Variants in SRD5A3 observed in about 807,000 individuals in gnomAD.
SRD5A3 encodes steroid 5 alpha-reductase 3.
SRD5A3 carries 24 observed loss-of-function variants against 34.3 expected under a neutral mutation model. The ratio of observed to expected loss-of-function variants is 0.70; its 90% confidence interval spans 0.51 to 0.99. SRD5A3 has a LOEUF of 0.99. SRD5A3 is among the 50% of genes least tolerant of loss of function. The pLI is 0.00. For synonymous variants in SRD5A3, 161 were observed against 167.3 expected (o/e 0.96, Z 0.29); for missense variants, 350 against 388.2 (o/e 0.90, Z 0.83).
intron 1 of SRD5A3, among the ~76,000 whole-genome samples, chr4:55,354,040 C>T (rs987699925): frequency 6.6e-6 from 1 of 152,152 alleles, no homozygotes; most frequent in South Asian, 2.1e-4. Context: ...CATTAATTCC[C>T]CTTCTTAACC....
chr4:55,352,115 C>T (rs1230836583), intron 1 of SRD5A3: 3 of 791,844 alleles, frequency 3.8e-6, no homozygotes, highest in South Asian at 1.3e-5. Context: ...ACAAGGAATA[C>T]ACTTGGTATA....
Position 55,359,690 on chromosome 4 carries a change from G to T in SRD5A3, c.364+202G>T, listed in dbSNP as rs139640097. 5.6e-3 allele frequency among the ~76,000 whole-genome samples: 851 copies of T among 152,312 alleles called. 3 individuals carry two copies. Among genetic ancestry groups the T allele is most frequent in the Non-Finnish European group, 9.3e-3 (633 of 68,030 alleles). On this transcript the variant is annotated intron_variant, in intron 2 of 4. Coordinates refer to ENST00000264228, the MANE Select transcript of SRD5A3 (RefSeq NM_024592.5). ...ATGTCCCTAAGCCCTTCCCTGAGAA[G>T]GAGACAGAGCCAAGAGTTAGCGCTC...
chr4:55,348,780 A>G (rs1010202491), intron 1 of SRD5A3, among the ~76,000 whole-genome samples: 2 of 152,224 alleles, frequency 1.3e-5, no homozygotes, highest in Non-Finnish European at 2.9e-5. Flanking sequence ...CAGTGATGCT[A>G]GTACTAGCAA....
intron 3 of SRD5A3, among the ~76,000 whole-genome samples, chr4:55,365,051 A>G (rs1028056778): frequency 6.6e-6 from 1 of 152,182 alleles, no homozygotes; most frequent in Non-Finnish European, 1.5e-5. Flanking sequence ...AAAACAATGC[A>G]TGATTATAAA....
At chr4:55,352,082 T>C in intron 1 of SRD5A3, 1 of 776,618 alleles carries the variant, frequency 1.3e-6, no homozygotes, top group Non-Finnish European at 2.4e-6. Flanking sequence ...TTTCTCAATT[T>C]CAGGCATTAC....
At chr4:55,368,650 T>A (rs1258693719) in intron 4 of SRD5A3, among the ~76,000 whole-genome samples, 1 of 151,894 alleles carries the variant, frequency 6.6e-6, no homozygotes, top group East Asian at 2.0e-4. Context: ...GGTCTCGAAA[T>A]CCTGACCTCA....
intron 1 of SRD5A3, among the ~76,000 whole-genome samples, chr4:55,350,840 G>C (rs1719164111): frequency 6.9e-6 from 1 of 144,910 alleles, no homozygotes. Context: ...TCCGCTCACT[G>C]CAACTTCCAC....
intron 3 of SRD5A3, chr4:55,365,739 A>G (rs1427271515): frequency 3.9e-5 from 6 of 152,074 alleles, no homozygotes; most frequent in African/African-American, 1.4e-4. Flanking sequence ...TTTCTGTTTC[A>G]CCTCCTTGTC....
chr4:55,355,651 T>C (rs1435654003), intron 1 of SRD5A3, among the ~76,000 whole-genome samples: 1 of 152,102 alleles, frequency 6.6e-6, no homozygotes, highest in Non-Finnish European at 1.5e-5. Context: ...TGATATAAAT[T>C]GGTACGTGTA....
Position 55,370,002 on chromosome 4 carries a change from C to T in SRD5A3, c.868C>T (p.Leu290=), listed in dbSNP as rs1431257293. Residue 290 remains leucine (L), a synonymous_variant, in exon 5 of 5, where the codon CTG becomes TTG. Transcript: ENST00000264228. ...VVTNVFFNQA[L]SAFLSHQFYK... ...GACAAATGTCTTCTTTAATCAGGCCCTGTCTGCCTTTCTCAGCCACCAATT... is the reference window on the plus strand; with the variant it reads ...GACAAATGTCTTCTTTAATCAGGCCTTGTCTGCCTTTCTCAGCCACCAATT... 1 of 1,614,178 alleles carries T rather than the reference C, an allele frequency of 6.2e-7. No individual in the cohort carries two copies.
intron 2 of SRD5A3, among the ~76,000 whole-genome samples, chr4:55,363,081 A>G (rs994070175): frequency 2.0e-5 from 3 of 151,738 alleles, no homozygotes; most frequent in Admixed American, 2.0e-4. Context: ...TCCTGAGCTC[A>G]GGCAATCCAC....
Position 55,372,850 on chromosome 4 carries a change from C to T in SRD5A3, c.*2759C>T, listed in dbSNP as rs771384067. The T allele has an allele frequency of 3.3e-5, 5 of 151,508 alleles. No homozygotes were observed. Among genetic ancestry groups the T allele is most frequent in the African/African-American group, 4.9e-5 (2 of 41,190 alleles). The allele number at this position is 151,508 out of a possible 1,614,324, so 9.4% of individuals were successfully genotyped here. A position where few individuals can be genotyped will look rare whatever the true frequency, so the allele number is the denominator to read the frequency against. ...AGCTCATCCTATACACTAACATTTG[C>T]TTAACCATGGATTATTTTGTCTCTA... On this transcript the variant is annotated 3_prime_UTR_variant, in exon 5 of 5. Coordinates refer to ENST00000264228, the MANE Select transcript of SRD5A3 (RefSeq NM_024592.5).
At chr4:55,364,730 GA>G in intron 3 of SRD5A3, 1 of 192,614 alleles carries the variant, frequency 5.2e-6, no homozygotes, top group Non-Finnish European at 1.1e-5. Context: ...AAAAAGAAAA[GA>G]AAATGAGGGA....
At chr4:55,362,324 C>T (rs1719716069) in intron 2 of SRD5A3, among the ~76,000 whole-genome samples, 1 of 152,082 alleles carries the variant, frequency 6.6e-6, no homozygotes, top group Non-Finnish European at 1.5e-5. Flanking sequence ...GACAGGGTTT[C>T]ACTCTGTTGG....
At chr4:55,368,850 TGCCTCA>T (rs1287881892) in intron 4 of SRD5A3, among the ~76,000 whole-genome samples, 1 of 152,070 alleles carries the variant, frequency 6.6e-6, no homozygotes, top group East Asian at 1.9e-4. Context: ...GCAATTCTCA[TGCCTCA>T]GCCTCCCAAG....
chr4:55,356,625 C>A (rs575962040), intron 1 of SRD5A3, among the ~76,000 whole-genome samples: 1 of 152,198 alleles, frequency 6.6e-6, no homozygotes, highest in African/African-American at 2.4e-5. Context: ...TCACACCCAG[C>A]TAATTTTTTT....
rs3034886 is a variant in SRD5A3 at position 55,370,431 on chromosome 4, T to TCACACACACACACACACACA, written c.*363_*382dup. ...AAAAACCGAAAATATACAAACAGCT[T>TCACACACACACACACACACA]CACACACACACACACACACACACAC... On this transcript the variant is annotated 3_prime_UTR_variant, in exon 5 of 5. Transcript: ENST00000264228. 4.5e-6 allele frequency: 1 copy of TCACACACACACACACACACA among 221,488 alleles called. No individual in the cohort carries two copies. Among genetic ancestry groups the TCACACACACACACACACACA allele is most frequent in the African/African-American group, 2.5e-5 (1 of 40,342 alleles). 13.7% of individuals were successfully genotyped at this position (221,488 alleles called of 1,614,324 possible).
At position 55,369,901 on chromosome 4, in the gene SRD5A3, A is replaced by G. The variant is rs1466223004; in HGVS notation, c.767A>G (p.Tyr256Cys). Residue 256 changes from tyrosine (Y) to cysteine (C), a missense_variant, in exon 5 of 5, where the codon TAC (tyrosine) becomes TGC (cysteine). By Grantham distance (194) the Tyr-to-Cys change is radical. This residue lies in a region of SRD5A3 where 186 missense variants were observed against 221.4 expected (regional missense o/e 0.84). Coordinates refer to ENST00000264228, the MANE Select transcript of SRD5A3 (RefSeq NM_024592.5). ...TTTGAATATGTTTCTTCCCCTAACT[A>G]CTTAGCAGAGCTGATGATCTACGTT... ...DWFEYVSSPN[Y>C]LAELMIYVSM... is the part of the protein sequence containing the mutation. 1.2e-6 allele frequency: 2 copies of G among 1,614,108 alleles called. No individual in the cohort carries two copies. The highest frequency in any genetic ancestry group is 1.7e-6 in the Non-Finnish European group (2 of 1,180,012).
At chr4:55,351,644 C>T (rs891893645) in intron 1 of SRD5A3, among the ~76,000 whole-genome samples, 28 of 151,260 alleles carry the variant, frequency 1.9e-4, no homozygotes, top group Non-Finnish European at 3.1e-4. Context: ...GCAACAACAG[C>T]GAAACTTCAT....
Sources: allele counts gnomAD v4.1 joint callset (sites outside exome capture counted in the v4.1 genomes callset), GRCh38; gene constraint gnomAD v4.1.1; regional missense constraint gnomAD v4.1.1; transcripts MANE v1.5; gene names NCBI Gene and HGNC (gene_info 2026-07-23, HGNC 2026-07-21).